Variants in DGKB observed in about 807,000 individuals in gnomAD.
The protein encoded by DGKB is diacylglycerol kinase beta.
Under a neutral mutation model 114.3 loss-of-function variants are expected in DGKB, and 67 were observed. The observed-to-expected ratio is 0.59, with a 90% CI of 0.48 to 0.72. The LOEUF (loss-of-function observed/expected upper bound fraction) is 0.72. Among genes scored for constraint, DGKB ranks in the 30% least tolerant of loss-of-function variants. The pLI, the probability that DGKB is intolerant of heterozygous loss-of-function variation, is 0.00. For missense variants in DGKB, 907 were observed against 975.2 expected (o/e 0.93, Z 0.93); for synonymous variants, 398 against 323.1 (o/e 1.23, Z -2.49).
intron 13 of DGKB, among the ~76,000 whole-genome samples, chr7:14,653,754 T>G (rs527558635): frequency 6.6e-6 from 1 of 151,728 alleles, no homozygotes; most frequent in Non-Finnish European, 1.5e-5. Flanking sequence ...ATATAATACA[T>G]CAATAGAATA....
At chr7:14,297,178 A>G (rs1056158347) in intron 23 of DGKB, among the ~76,000 whole-genome samples, 7 of 152,160 alleles carry the variant, frequency 4.6e-5, no homozygotes, top group Non-Finnish European at 1.0e-4. Context: ...CAATAGCAAA[A>G]GAGGGACTCC....
At chr7:14,714,188 A>C (rs940514214) in intron 6 of DGKB, among the ~76,000 whole-genome samples, 2 of 151,952 alleles carry the variant, frequency 1.3e-5, no homozygotes, top group African/African-American at 4.8e-5. Flanking sequence ...GATGCAGGGT[A>C]AGCCTCAAAT....
chr7:14,666,490 G>C (rs576353599), intron 13 of DGKB, among the ~76,000 whole-genome samples: 1 of 151,952 alleles, frequency 6.6e-6, no homozygotes, highest in Non-Finnish European at 1.5e-5. Context: ...GGATTGGCCA[G>C]CTGAGATTTC....
chr7:14,362,247 G>A lies in DGKB; in HGVS notation c.1836-16856C>T, dbSNP rs551619793. ...TAAGTTTTAGTGTCCTTACATTATG[G>A]CAGTTGATTATCAAGAATTCATTGA... On this transcript the variant is annotated intron_variant, in intron 21 of 25. Transcript: ENST00000402815. Among the ~76,000 whole-genome samples, 11 of 152,026 alleles carry A rather than the reference G, an allele frequency of 7.2e-5. No individual in the cohort carries two copies. The East Asian group carries it at 1.4e-3, about 19-fold the overall frequency.
intron 20 of DGKB, among the ~76,000 whole-genome samples, chr7:14,572,287 CAAAA>C (rs11333094): frequency 7.4e-6 from 1 of 135,162 alleles, no homozygotes; most frequent in Non-Finnish European, 1.6e-5. Flanking sequence ...ACTAAAAATA[CAAAA>C]AAAAAAAAAA....
chr7:14,543,260 A>C (rs1014185977), intron 20 of DGKB, among the ~76,000 whole-genome samples: 1 of 151,988 alleles, frequency 6.6e-6, no homozygotes, highest in Non-Finnish European at 1.5e-5. Context: ...CCTGGGCAAC[A>C]TGGCAAGACC....
chr7:14,893,382 T>C (rs918814269), intron 1 of DGKB, among the ~76,000 whole-genome samples: 1 of 151,416 alleles, frequency 6.6e-6, no homozygotes, highest in African/African-American at 2.4e-5. Flanking sequence ...ACATTCCAGG[T>C]TTCTGTTGCT....
intron 17 of DGKB, among the ~76,000 whole-genome samples, chr7:14,585,984 G>A (rs1800698624): frequency 6.6e-6 from 1 of 151,978 alleles, no homozygotes; most frequent in African/African-American, 2.4e-5. Flanking sequence ...AATTCCCTTA[G>A]ACACAACAGT....
intron 20 of DGKB, among the ~76,000 whole-genome samples, chr7:14,520,555 T>A (rs1194138208): frequency 6.6e-6 from 1 of 151,968 alleles, no homozygotes; most frequent in African/African-American, 2.4e-5. Flanking sequence ...ATATGTTTTA[T>A]TCTTCTTTGT....
At chr7:14,798,536 G>C (rs1197156816) in intron 2 of DGKB, among the ~76,000 whole-genome samples, 1 of 152,080 alleles carries the variant, frequency 6.6e-6, no homozygotes, top group African/African-American at 2.4e-5. Flanking sequence ...ACTTTTTTCA[G>C]TTGATTTTTC....
chr7:14,971,201 G>A (rs1183816278), intron 1 of DGKB, among the ~76,000 whole-genome samples: 2 of 152,224 alleles, frequency 1.3e-5, no homozygotes, highest in Middle Eastern at 3.4e-3. Flanking sequence ...CTGACAGATG[G>A]TGATAGCAAG....
chr7:14,360,150 C>T (rs1476513982), intron 21 of DGKB, among the ~76,000 whole-genome samples: 3 of 152,066 alleles, frequency 2.0e-5, no homozygotes, highest in African/African-American at 7.2e-5. Flanking sequence ...AGGATGAGTT[C>T]ATGTCCTTTG....
intron 1 of DGKB, among the ~76,000 whole-genome samples, chr7:14,912,598 G>C (rs1490239683): frequency 6.6e-6 from 1 of 152,098 alleles, no homozygotes; most frequent in Non-Finnish European, 1.5e-5. Context: ...AAAATAAAAA[G>C]TATTTAGTGT....
intron 13 of DGKB, among the ~76,000 whole-genome samples, chr7:14,639,730 C>T (rs892214226): frequency 4.6e-5 from 7 of 152,190 alleles, no homozygotes; most frequent in Non-Finnish European, 8.8e-5. Flanking sequence ...TTTTCTGCCT[C>T]CCTCCCTTCA....
intron 21 of DGKB, among the ~76,000 whole-genome samples, chr7:14,420,170 T>G (rs1438816069): frequency 1.4e-4 from 21 of 151,906 alleles, no homozygotes; most frequent in Admixed American, 1.4e-3. Flanking sequence ...ATATATACAT[T>G]GTTTATATTT....
chr7:14,951,212 C>T (rs1018143395), intron 1 of DGKB, among the ~76,000 whole-genome samples: 4 of 151,934 alleles, frequency 2.6e-5, no homozygotes, highest in African/African-American at 9.7e-5. Flanking sequence ...TCTGCTGTTT[C>T]CACTTCTACT....
intron 13 of DGKB, among the ~76,000 whole-genome samples, chr7:14,663,349 C>T (rs1476180282): frequency 6.6e-6 from 1 of 151,970 alleles, no homozygotes; most frequent in African/African-American, 2.4e-5. Context: ...TATCAATAGA[C>T]TTAGTTCAAA....
intron 1 of DGKB, among the ~76,000 whole-genome samples, chr7:14,914,641 C>T (rs1208504902): frequency 6.6e-6 from 1 of 151,914 alleles, no homozygotes; most frequent in Non-Finnish European, 1.5e-5. Context: ...AAAACAAAGT[C>T]TGAAGAGACA....
At chr7:14,516,252 A>C (rs747226156) in intron 20 of DGKB, among the ~76,000 whole-genome samples, 67 of 152,216 alleles carry the variant, frequency 4.4e-4, no homozygotes, top group Non-Finnish European at 1.6e-4. Context: ...ATGAAACAAA[A>C]AAGTAAACTT....
Sources: gnomAD v4.1 joint callset for allele counts (sites outside exome capture counted in the v4.1 genomes callset) on GRCh38, gnomAD v4.1.1 for gene constraint, MANE v1.5 for transcripts, NCBI Gene and HGNC (gene_info 2026-07-23, HGNC 2026-07-21) for gene names.